The following ADAMTSL1 variants were observed in gnomAD, a reference collection of about 807,000 sequenced individuals.
The protein encoded by ADAMTSL1 is ADAMTS-like protein 1.
A neutral mutation model predicts 201.8 loss-of-function variants in ADAMTSL1; 126 were observed. The observed-to-expected ratio is 0.62, with a 90% confidence interval of 0.54 to 0.72. The LOEUF (loss-of-function observed/expected upper bound fraction) is 0.72, where lower values mean the gene tolerates loss of function less well. Among genes scored for constraint, ADAMTSL1 ranks in the 30% least tolerant of loss-of-function variants. The probability of loss-of-function intolerance (pLI) is 0.00; values close to 1 mark genes in which losing one functional copy is unlikely to be tolerated. For missense variants in ADAMTSL1, 2,679 were observed against 2,277.8 expected (o/e 1.18, Z -3.59); for synonymous variants, 1,121 against 903.4 (o/e 1.24, Z -4.32).
At chr9:18,783,184 A>C (rs1461374013) in intron 19 of ADAMTSL1, among the ~76,000 whole-genome samples, 1 of 152,230 alleles carries the variant, frequency 6.6e-6, no homozygotes, top group Non-Finnish European at 1.5e-5. Context: ...TAAATAAGGC[A>C]AGAACACTTC....
intron 5 of ADAMTSL1, 75 bp downstream of exon 5, chr9:18,622,444 ACAGC>A (rs1424507915): frequency 6.3e-7 from 1 of 1,598,562 alleles, no homozygotes; most frequent in Admixed American, 1.7e-5. Context: ...GCCCCACTAA[ACAGC>A]CAGGGAACAA....
intron 2 of ADAMTSL1, among the ~76,000 whole-genome samples, chr9:18,440,276 C>T (rs1327580774): frequency 6.6e-6 from 1 of 152,024 alleles, no homozygotes; most frequent in Admixed American, 6.6e-5. Flanking sequence ...GAGGTAGACC[C>T]CTCAGTACCC....
intron 1 of ADAMTSL1, among the ~76,000 whole-genome samples, chr9:18,050,715 G>A (rs1821894525): frequency 6.6e-6 from 1 of 152,080 alleles, no homozygotes; most frequent in African/African-American, 2.4e-5. Context: ...CTCCTTTTGA[G>A]ACCCAGAGGG....
intron 1 of ADAMTSL1, among the ~76,000 whole-genome samples, chr9:18,026,792 C>A (rs1176908981): frequency 6.6e-6 from 1 of 152,084 alleles, no homozygotes; most frequent in Non-Finnish European, 1.5e-5. Context: ...AGCAGCTCTT[C>A]TTTGAACATC....
At chr9:17,972,318 C>CCTG (rs1246126121) in intron 1 of ADAMTSL1, among the ~76,000 whole-genome samples, 6 of 95,976 alleles carry the variant, frequency 6.3e-5, no homozygotes, top group Admixed American at 2.3e-4. Context: ...CCCCCCTCCC[C>CCTG]CCAAGCTACA....
chr9:18,366,019 C>T (rs546836137), intron 2 of ADAMTSL1, among the ~76,000 whole-genome samples: 6 of 152,106 alleles, frequency 3.9e-5, no homozygotes, highest in African/African-American at 4.8e-5. Context: ...TTGTCTTTCA[C>T]GAAACCAGTC....
Position 18,045,778 on chromosome 9 carries a change from C to A in ADAMTSL1, c.88-118084C>A, listed in dbSNP as rs539667115. The stretch of plus-strand genomic sequence containing the variant: ...TAAGAAAAAGTTGTGTGGCCTTTTT[C>A]TACTCTAAGTCCTGATACTCACTTG... On this transcript the variant is annotated intron_variant, in intron 1 of 29. Coordinates refer to the ADAMTSL1 transcript ENST00000680146. 8.2e-4 allele frequency among the ~76,000 whole-genome samples: 124 copies of A among 150,316 alleles called. 1 individual carries two copies. The Middle Eastern group carries it at 0.02, about 25-fold the overall frequency.
intron 1 of ADAMTSL1, among the ~76,000 whole-genome samples, chr9:17,989,043 C>A (rs1259060478): frequency 1.8e-4 from 28 of 151,660 alleles, no homozygotes; most frequent in Admixed American, 1.8e-3. Flanking sequence ...AGTGATTATA[C>A]CCTCCCACTG....
At chr9:18,685,056 C>T in intron 13 of ADAMTSL1, 1 of 1,050,520 alleles carries the variant, frequency 9.5e-7, no homozygotes, top group Non-Finnish European at 1.2e-6. Context: ...AAAATCTGAC[C>T]TCCTCTCTTC....
At chr9:18,732,674 G>T (rs1818281657) in intron 15 of ADAMTSL1, among the ~76,000 whole-genome samples, 1 of 152,040 alleles carries the variant, frequency 6.6e-6, no homozygotes, top group African/African-American at 2.4e-5. Context: ...TAATGTTTGT[G>T]GGAGGGAAGA....
At chr9:18,666,569 A>G (rs1237723000) in intron 9 of ADAMTSL1, among the ~76,000 whole-genome samples, 1 of 152,152 alleles carries the variant, frequency 6.6e-6, no homozygotes, top group Non-Finnish European at 1.5e-5. Context: ...TGACTAAGAC[A>G]TTTAGGATCT....
intron 15 of ADAMTSL1, among the ~76,000 whole-genome samples, chr9:18,728,255 T>C (rs979921446): frequency 1.3e-5 from 2 of 152,162 alleles, no homozygotes; most frequent in African/African-American, 2.4e-5. Context: ...TCTAAAGAGA[T>C]AGAAACATCA....
chr9:18,509,999 A>G (rs999423386), intron 2 of ADAMTSL1, among the ~76,000 whole-genome samples: 2 of 152,204 alleles, frequency 1.3e-5, no homozygotes, highest in Non-Finnish European at 2.9e-5. Flanking sequence ...TTATGAATGT[A>G]TATATGCTTA....
chr9:18,714,515 C>G (rs1832798204), intron 14 of ADAMTSL1, among the ~76,000 whole-genome samples: 1 of 145,368 alleles, frequency 6.9e-6, no homozygotes, highest in Non-Finnish European at 1.5e-5. Context: ...ATAAATTCCT[C>G]AACACATACA....
chr9:18,841,359 A>C (rs1219882637), intron 23 of ADAMTSL1, among the ~76,000 whole-genome samples: 5 of 152,136 alleles, frequency 3.3e-5, no homozygotes, highest in Non-Finnish European at 7.4e-5. Context: ...GCATATATTG[A>C]ACCAGACTTG....
chr9:18,183,534 A>C (rs966664696), intron 2 of ADAMTSL1, among the ~76,000 whole-genome samples: 6 of 152,178 alleles, frequency 3.9e-5, no homozygotes, highest in African/African-American at 1.4e-4. Context: ...TAAACAAACA[A>C]TCCAGTTCAA....
At chr9:18,150,967 A>G (rs1367240794) in intron 1 of ADAMTSL1, among the ~76,000 whole-genome samples, 1 of 151,948 alleles carries the variant, frequency 6.6e-6, no homozygotes, top group African/African-American at 2.4e-5. Context: ...GGGGGCTAGT[A>G]GAAATGGGAT....
chr9:18,725,630 A>G (rs150225263), intron 15 of ADAMTSL1, among the ~76,000 whole-genome samples: 1 of 152,192 alleles, frequency 6.6e-6, no homozygotes, highest in Non-Finnish European at 1.5e-5. Context: ...CTGTGTTATA[A>G]TTATACAAGG....
intron 2 of ADAMTSL1, among the ~76,000 whole-genome samples, chr9:18,388,020 T>C (rs1837875732): frequency 2.7e-5 from 4 of 148,276 alleles, no homozygotes; most frequent in Admixed American, 2.0e-4. Context: ...TCATACGTAA[T>C]GTTCTTATTT....
Sources: allele counts gnomAD v4.1 joint callset (sites outside exome capture counted in the v4.1 genomes callset), GRCh38; gene constraint gnomAD v4.1.1; transcripts MANE v1.5; gene names NCBI Gene and HGNC (gene_info 2026-07-23, HGNC 2026-07-21).